Variants in GAREM1 observed in about 807,000 individuals in gnomAD.
The protein encoded by GAREM1 is GRB2 associated regulator of MAPK1 subtype 1.
GAREM1 carries 26 observed loss-of-function variants against 71.3 expected under a neutral mutation model. That is an observed-to-expected ratio of 0.36 (90% CI 0.27 to 0.51). The LOEUF is 0.51. Ranked by LOEUF, GAREM1 falls within the 20% of genes least tolerant of loss-of-function variation. The probability of loss-of-function intolerance (pLI) is 0.95; values close to 1 mark genes in which losing one functional copy is unlikely to be tolerated. For synonymous variants in GAREM1, 440 were observed against 433.2 expected (o/e 1.02, Z -0.20); for missense variants, 1,026 against 1,103.1 (o/e 0.93, Z 0.99).
At position 32,266,287 on chromosome 18, in the gene GAREM1, A is replaced by G. The variant is rs1483085995; in HGVS notation, c.*1584T>C. ...ACTAGACTGGTGGGTCTTGTCTTTC[A>G]ATTTATTTTTTTATTTTGGTAGCAG... is the stretch of plus-strand genomic sequence containing the variant. On this transcript the variant is annotated 3_prime_UTR_variant, in exon 6 of 6. Transcript: ENST00000269209. 1 of 152,082 alleles carries G rather than the reference A, an allele frequency of 6.6e-6. No individual in the cohort carries two copies. Among genetic ancestry groups the G allele is most frequent in the Non-Finnish European group, 1.5e-5 (1 of 68,018 alleles). The allele number at this position is 152,082 out of a possible 1,614,324, so 9.4% of individuals were successfully genotyped here.
chr18:32,417,944 A>G (rs765194293), intron 1 of GAREM1, among the ~76,000 whole-genome samples: 3 of 152,178 alleles, frequency 2.0e-5, no homozygotes, highest in Non-Finnish European at 2.9e-5. Flanking sequence ...TGTGATTATT[A>G]TACACTGCAT....
chr18:32,425,457 G>A (rs1395958416), intron 1 of GAREM1, among the ~76,000 whole-genome samples: 1 of 152,126 alleles, frequency 6.6e-6, no homozygotes, highest in Non-Finnish European at 1.5e-5. Context: ...TCAGTTCCTG[G>A]AAAGTCTCTT....
At chr18:32,449,465 T>A (rs953256195) in intron 1 of GAREM1, among the ~76,000 whole-genome samples, 2 of 152,072 alleles carry the variant, frequency 1.3e-5, no homozygotes, top group African/African-American at 4.8e-5. Context: ...GGCAAGTGGA[T>A]CGCTTGAGTC....
intron 1 of GAREM1, among the ~76,000 whole-genome samples, chr18:32,442,733 T>C (rs988443590): frequency 1.3e-5 from 2 of 152,192 alleles, no homozygotes; most frequent in South Asian, 4.1e-4. Context: ...GCTTTGTTCA[T>C]TGTGCAGATA....
intron 3 of GAREM1, among the ~76,000 whole-genome samples, chr18:32,297,631 G>A (rs2047156329): frequency 6.6e-6 from 1 of 152,098 alleles, no homozygotes; most frequent in Non-Finnish European, 1.5e-5. Flanking sequence ...TATTGACTAT[G>A]TTATCCCAGA....
chr18:32,299,445 C>T (rs950071918), intron 3 of GAREM1, among the ~76,000 whole-genome samples: 4 of 131,760 alleles, frequency 3.0e-5, no homozygotes, highest in South Asian at 2.5e-4. Context: ...ACCCAGGAGG[C>T]GGAGCTTGCA....
intron 5 of GAREM1, among the ~76,000 whole-genome samples, chr18:32,269,127 GAGGGTAGA>G (rs1249233944): frequency 6.6e-6 from 1 of 152,160 alleles, no homozygotes; most frequent in African/African-American, 2.4e-5. Context: ...TGCAGTGAGC[GAGGGTAGA>G]AGGAGAGAAT....
chr18:32,317,491 C>A (rs2047390554), intron 2 of GAREM1, among the ~76,000 whole-genome samples: 1 of 151,540 alleles, frequency 6.6e-6, no homozygotes, highest in Non-Finnish European at 1.5e-5. Context: ...TTGTAAGGTA[C>A]CTGAAATCAC....
intron 2 of GAREM1, among the ~76,000 whole-genome samples, chr18:32,319,770 A>C (rs2047412386): frequency 1.3e-5 from 2 of 152,228 alleles, no homozygotes; most frequent in South Asian, 4.1e-4. Context: ...GTATACACAC[A>C]TAATGCTACG....
intron 4 of GAREM1, among the ~76,000 whole-genome samples, chr18:32,274,459 G>A (rs2041510300): frequency 6.6e-6 from 1 of 152,062 alleles, no homozygotes; most frequent in African/African-American, 2.4e-5. Context: ...AACATTTTCA[G>A]CACATCCCTT....
chr18:32,347,846 A>C (rs1383977783), intron 2 of GAREM1, among the ~76,000 whole-genome samples: 2 of 152,186 alleles, frequency 1.3e-5, no homozygotes, highest in African/African-American at 2.4e-5. Context: ...ATATCCTTTC[A>C]TGCCAGGTAA....
At chr18:32,369,956 G>A (rs1176589028) in intron 2 of GAREM1, among the ~76,000 whole-genome samples, 1 of 152,190 alleles carries the variant, frequency 6.6e-6, no homozygotes, top group Non-Finnish European at 1.5e-5. Context: ...TGAACAAGGT[G>A]ACCCTTCACT....
chr18:32,337,306 A>G (rs966831630), intron 2 of GAREM1, among the ~76,000 whole-genome samples: 1 of 152,232 alleles, frequency 6.6e-6, no homozygotes, highest in Non-Finnish European at 1.5e-5. Context: ...TTGGCCACAC[A>G]CTTAAACGTC....
intron 3 of GAREM1, among the ~76,000 whole-genome samples, chr18:32,305,587 T>C (rs975063353): frequency 3.8e-4 from 58 of 152,210 alleles, no homozygotes; most frequent in Admixed American, 3.8e-3. Context: ...TGGCGCGATC[T>C]TGGCTCACTG....
intron 1 of GAREM1, among the ~76,000 whole-genome samples, chr18:32,463,718 T>C (rs1196741168): frequency 6.6e-6 from 1 of 151,798 alleles, no homozygotes; most frequent in Non-Finnish European, 1.5e-5. Flanking sequence ...TACAGGCACA[T>C]GCCACCACAC....
intron 1 of GAREM1, among the ~76,000 whole-genome samples, chr18:32,449,413 G>A (rs894649466): frequency 6.6e-6 from 1 of 152,180 alleles, no homozygotes; most frequent in African/African-American, 2.4e-5. Flanking sequence ...TAGGCTGGGT[G>A]CGGGGGCTCA....
chr18:32,388,806 T>A (rs1191715677), intron 2 of GAREM1, among the ~76,000 whole-genome samples: 1 of 152,180 alleles, frequency 6.6e-6, no homozygotes, highest in Non-Finnish European at 1.5e-5. Context: ...TAAGTGGTCC[T>A]AGACTGGATG....
chr18:32,269,449 G>A (rs2144412446), intron 5 of GAREM1, among the ~76,000 whole-genome samples: 1 of 152,334 alleles, frequency 6.6e-6, no homozygotes, highest in African/African-American at 2.4e-5. Flanking sequence ...AAAGGAGGGT[G>A]AGCAGGCCGG....
Position 32,427,092 on chromosome 18 carries a change from G to A in GAREM1, c.122-34057C>T, listed in dbSNP as rs528832671. On this transcript the variant is annotated intron_variant, in intron 1 of 5. Transcript: ENST00000269209. ...CTATTCCTAAATTTGTTTTACTCTC[G>A]TTGTCCCAACTTCCCATGGTAGTTT... Among the ~76,000 whole-genome samples the A allele has an allele frequency of 1.9e-3, 283 of 151,796 alleles. 1 individual carries two copies. The highest frequency in any genetic ancestry group is 6.3e-3 in the African/African-American group (260 of 41,412).
Sources: gnomAD v4.1 joint callset for allele counts (sites outside exome capture counted in the v4.1 genomes callset) on GRCh38, gnomAD v4.1.1 for gene constraint, MANE v1.5 for transcripts, NCBI Gene and HGNC (gene_info 2026-07-23, HGNC 2026-07-21) for gene names.